The following ETV6 variants were observed in gnomAD, a reference collection of about 807,000 sequenced individuals.
The protein encoded by ETV6 is ETS variant transcription factor 6.
ETV6 carries 16 observed loss-of-function variants against 51.1 expected under a neutral mutation model. The ratio of observed to expected loss-of-function variants is 0.31; its 90% CI spans 0.21 to 0.48. The LOEUF (loss-of-function observed/expected upper bound fraction) is 0.48, where lower values mean the gene tolerates loss of function less well. ETV6 is among the 20% of genes least tolerant of loss of function. The probability of loss-of-function intolerance (pLI) is 0.99; values close to 1 mark genes in which losing one functional copy is unlikely to be tolerated. For missense variants in ETV6, 458 were observed against 594.8 expected, an observed-to-expected ratio of 0.77 and a Z score of 2.39; for synonymous variants, 240 against 224.1, an observed-to-expected ratio of 1.07 and a Z score of -0.64.
intron 1 of ETV6, among the ~76,000 whole-genome samples, chr12:11,723,261 A>G (rs1403621785): frequency 6.6e-6 from 1 of 152,196 alleles, no homozygotes; most frequent in East Asian, 1.9e-4. Context: ...TGACACGGTT[A>G]TAGGCTCTCT....
At chr12:11,877,241 C>T (rs1404303526) in intron 5 of ETV6, among the ~76,000 whole-genome samples, 2 of 151,848 alleles carry the variant, frequency 1.3e-5, no homozygotes, top group Non-Finnish European at 2.9e-5. Flanking sequence ...TTGCTTCTGT[C>T]TCCACTTCCT....
At chr12:11,747,986 C>T (rs1427231687) in intron 1 of ETV6, among the ~76,000 whole-genome samples, 1 of 152,158 alleles carries the variant, frequency 6.6e-6, no homozygotes, top group Non-Finnish European at 1.5e-5. Context: ...AAGTTGACGA[C>T]GGTACAAGCA....
chr12:11,799,640 G>A (rs894957316), intron 2 of ETV6, among the ~76,000 whole-genome samples: 1 of 152,184 alleles, frequency 6.6e-6, no homozygotes, highest in Non-Finnish European at 1.5e-5. Context: ...GGAGAACCAT[G>A]CATTCTTGTG....
chr12:11,748,730 G>A (rs982275981), intron 1 of ETV6, among the ~76,000 whole-genome samples: 1 of 152,198 alleles, frequency 6.6e-6, no homozygotes. Context: ...TTACAGGGAA[G>A]TCACGGGCTC....
intron 2 of ETV6, among the ~76,000 whole-genome samples, chr12:11,769,286 C>A (rs1267504454): frequency 1.3e-5 from 2 of 152,076 alleles, no homozygotes; most frequent in Admixed American, 1.3e-4. Flanking sequence ...TAGATAGTTC[C>A]AGAATTTACT....
chr12:11,809,190 G>A (rs1053039586), intron 2 of ETV6, among the ~76,000 whole-genome samples: 2 of 150,476 alleles, frequency 1.3e-5, no homozygotes, highest in Non-Finnish European at 3.0e-5. Flanking sequence ...TAGGAAGTGA[G>A]CAAAAGAGAG....
chr12:11,744,909 G>GAA (rs35026437), intron 1 of ETV6, among the ~76,000 whole-genome samples: 1 of 125,564 alleles, frequency 8.0e-6, no homozygotes, highest in African/African-American at 2.8e-5. Flanking sequence ...GGAAATTCAG[G>GAA]AAAAAAAAAA....
chr12:11,855,452 T>A (rs948974490), intron 4 of ETV6, among the ~76,000 whole-genome samples: 1 of 152,206 alleles, frequency 6.6e-6, no homozygotes, highest in Non-Finnish European at 1.5e-5. Flanking sequence ...CGTCCAAACG[T>A]GCATCAGTTT....
chr12:11,710,674 C>T lies in ETV6; in HGVS notation c.34-41776C>T, dbSNP rs75232487. Among the ~76,000 whole-genome samples the T allele has an allele frequency of 5.4e-3, 828 of 152,314 alleles. 8 individuals carry two copies. The highest frequency in any genetic ancestry group is 0.019 in the African/African-American group (775 of 41,572). ...GTGCGCCTATTGCCTTGGGGCCCTG[C>T]GCTCTGCTAGTTGATAGCTAGGGCA... On this transcript the variant is annotated intron_variant, in intron 1 of 7. Coordinates refer to ENST00000396373, the MANE Select transcript of ETV6 (RefSeq NM_001987.5).
At chr12:11,806,682 A>G (rs954657066) in intron 2 of ETV6, among the ~76,000 whole-genome samples, 1 of 152,270 alleles carries the variant, frequency 6.6e-6, no homozygotes, top group African/African-American at 2.4e-5. Flanking sequence ...GGAACTTTCA[A>G]GCATTCATAC....
intron 1 of ETV6, among the ~76,000 whole-genome samples, chr12:11,743,013 G>A (rs1399899368): frequency 6.6e-6 from 1 of 151,902 alleles, no homozygotes; most frequent in African/African-American, 2.4e-5. Flanking sequence ...TCGCCATGTT[G>A]CCCAGGCTGG....
At chr12:11,746,517 T>C (rs1454901393) in intron 1 of ETV6, among the ~76,000 whole-genome samples, 1 of 152,220 alleles carries the variant, frequency 6.6e-6, no homozygotes, top group Non-Finnish European at 1.5e-5. Flanking sequence ...CCAGCTACAA[T>C]TGTGACACGT....
chr12:11,831,676 T>C (rs1040230166), intron 2 of ETV6, among the ~76,000 whole-genome samples: 2 of 152,258 alleles, frequency 1.3e-5, no homozygotes, highest in African/African-American at 4.8e-5. Context: ...TATTTTTCTA[T>C]GCATTGAGAT....
intron 1 of ETV6, among the ~76,000 whole-genome samples, chr12:11,730,731 C>G (rs756816129): frequency 2.6e-5 from 4 of 152,194 alleles, no homozygotes; most frequent in Non-Finnish European, 5.9e-5. Context: ...TCCTCTTTTG[C>G]TTTGGAGTGT....
At chr12:11,761,005 C>T (rs988940127) in intron 2 of ETV6, among the ~76,000 whole-genome samples, 43 of 151,962 alleles carry the variant, frequency 2.8e-4, no homozygotes, top group African/African-American at 9.7e-4. Context: ...AAACTCTGCA[C>T]AGTAGATATT....
chr12:11,751,307 C>T lies in ETV6; in HGVS notation c.34-1143C>T, dbSNP rs1186718090. On this transcript the variant is annotated intron_variant, in intron 1 of 7. Transcript: ENST00000396373. ...TTTCCAAAACGTAAACACTGCCTTC[C>T]CTTTACTTAAATGTACGATTTTCTT... 1.4e-5 allele frequency: 7 copies of T among 518,206 alleles called. No individual in the cohort carries two copies. The East Asian group carries it at 3.8e-4, about 28-fold the overall frequency. The allele number at this position is 518,206 out of a possible 1,614,324, so 32.1% of individuals were successfully genotyped here.
intron 1 of ETV6, among the ~76,000 whole-genome samples, chr12:11,746,848 A>G (rs1396617299): frequency 6.7e-6 from 1 of 148,188 alleles, no homozygotes; most frequent in Non-Finnish European, 1.5e-5. Flanking sequence ...AGGTCTGGGT[A>G]AGAGGAAGAC....
chr12:11,869,401 T>C lies in ETV6; in HGVS notation c.464-23T>C. ...CCTGCCAACTCACTGGGGTCTGTGA[T>C]TGTCTTTCCCTCTGCTCCACAGATA... On this transcript the variant is annotated intron_variant, in intron 4 of 7. Transcript: ENST00000396373. The surrounding 1 kb of genome is among the most constrained non-coding windows in gnomAD (Gnocchi z 5.0). 26 of 1,582,470 alleles carry C rather than the reference T, an allele frequency of 1.6e-5. No individual in the cohort carries two copies. The highest frequency in any genetic ancestry group is 2.1e-5 in the Non-Finnish European group (25 of 1,163,148).
intron 1 of ETV6, among the ~76,000 whole-genome samples, chr12:11,685,606 G>A (rs1466312353): frequency 1.3e-5 from 2 of 151,986 alleles, no homozygotes; most frequent in Admixed American, 6.5e-5. Context: ...ACACACACAC[G>A]TGTGTGTGTA....
Sources: allele counts gnomAD v4.1 joint callset (sites outside exome capture counted in the v4.1 genomes callset), GRCh38; gene constraint gnomAD v4.1.1; non-coding constraint Gnocchi (gnomAD v3.1); transcripts MANE v1.5; gene names NCBI Gene and HGNC (gene_info 2026-07-23, HGNC 2026-07-21).